RDH10: variants seen among roughly 807,000 people sequenced by gnomAD.
RDH10 encodes the protein retinol dehydrogenase 10, also known as retinol dehydrogenase 10 (all-trans).
RDH10 carries 12 observed loss-of-function variants against 30.2 expected under a neutral mutation model. The observed-to-expected ratio is 0.40, with a 90% CI of 0.25 to 0.64. RDH10 has a LOEUF of 0.64. RDH10 is among the 30% of genes least tolerant of loss of function. The pLI is 0.43. For missense variants in RDH10, 268 were observed against 445.2 expected (o/e 0.60, Z 3.58); for synonymous variants, 189 against 172.2 (o/e 1.10, Z -0.76).
At position 73,295,566 on chromosome 8, in the gene RDH10, G is replaced by A; in HGVS notation, c.277G>A (p.Ala93Thr). ...CCGCGACCTGGAGGCGGCCGACGCC[G>A]CTGCGCTGCAAGGTAACCTGGACCC... ...IYRDLEAADA[A>T]ALQAGNGEEE... Residue 93 changes from alanine to threonine, a missense_variant, in exon 1 of 6, where the codon GCT becomes ACT. By Grantham distance (58) the Ala-to-Thr change is moderately conservative. This residue lies in a region of RDH10 where 46 missense variants were observed against 36.7 expected (regional missense o/e 1.25). Transcript: ENST00000240285. The A allele has an allele frequency of 6.5e-7, 1 of 1,527,592 alleles. No individual in the cohort carries two copies. Among genetic ancestry groups the A allele is most frequent in the South Asian group, 1.2e-5 (1 of 81,170 alleles). 94.6% of individuals were successfully genotyped at this position (1,527,592 alleles called of 1,614,324 possible).
At position 73,295,049 on chromosome 8, in the gene RDH10, G is replaced by C; in HGVS notation, c.-241G>C. On this transcript the variant is annotated 5_prime_UTR_variant, in exon 1 of 6. Coordinates refer to ENST00000240285, the MANE Select transcript of RDH10 (RefSeq NM_172037.5). ...CTGCCGGCAGGAGGCGCCGAGCCGG[G>C]TGACTGCCGCGGCGGGCACAGTCCG... 2 of 338,356 alleles carry C rather than the reference G, an allele frequency of 5.9e-6. No homozygotes were observed. The highest frequency in any genetic ancestry group is 5.3e-6 in the Non-Finnish European group (1 of 188,432). The allele number at this position is 338,356 out of a possible 1,614,324, so 21.0% of individuals were successfully genotyped here.
intron 2 of RDH10, among the ~76,000 whole-genome samples, chr8:73,299,638 C>G (rs1484167100): frequency 6.6e-6 from 1 of 152,206 alleles, no homozygotes; most frequent in African/African-American, 2.4e-5. Flanking sequence ...TGCAAGACTA[C>G]ATAACTAAAC....
At chr8:73,303,769 C>CT (rs1814422211) in intron 2 of RDH10, among the ~76,000 whole-genome samples, 1 of 152,166 alleles carries the variant, frequency 6.6e-6, no homozygotes, top group Non-Finnish European at 1.5e-5. Flanking sequence ...GCTCATTGAA[C>CT]TTTGAGTTTC....
intron 3 of RDH10, among the ~76,000 whole-genome samples, chr8:73,320,445 TTTTTTGTTTTTGTTTTTG>T (rs1212769266): frequency 1.4e-4 from 21 of 146,448 alleles, no homozygotes; most frequent in Non-Finnish European, 2.7e-4. Flanking sequence ...TTTGTGTTTT[TTTTTTGTTTTTGTTTTTG>T]TTTTTGTTTT....
intron 2 of RDH10, among the ~76,000 whole-genome samples, chr8:73,308,159 G>A (rs1291054668): frequency 4.6e-5 from 7 of 152,168 alleles, no homozygotes; most frequent in African/African-American, 1.7e-4. Context: ...AGGACTGGCT[G>A]AACAAAGTTC....
chr8:73,302,915 A>G (rs1390393238), intron 2 of RDH10, among the ~76,000 whole-genome samples: 1 of 152,234 alleles, frequency 6.6e-6, no homozygotes, highest in Non-Finnish European at 1.5e-5. Flanking sequence ...TTGATCCCTG[A>G]TTAACCAAAA....
chr8:73,294,888 G>T lies in RDH10; in HGVS notation c.-402G>T. On this transcript the variant is annotated 5_prime_UTR_variant, in exon 1 of 6. Coordinates refer to ENST00000240285, the MANE Select transcript of RDH10 (RefSeq NM_172037.5). ...CGCACCCCTCCCCCGGGGTGAGAGG[G>T]AGCCGGCGCGCCGGTTCCGGGGACG... 2.5e-6 allele frequency: 1 copy of T among 394,240 alleles called. No homozygotes were observed. The allele number at this position is 394,240 out of a possible 1,614,324, so 24.4% of individuals were successfully genotyped here. A position where few individuals can be genotyped will look rare whatever the true frequency, so the allele number is the denominator to read the frequency against.
chr8:73,295,199 G>A lies in RDH10; in HGVS notation c.-91G>A. 4 of 1,293,406 alleles carry A rather than the reference G, an allele frequency of 3.1e-6. No homozygotes were observed. Among genetic ancestry groups the A allele is most frequent in the Non-Finnish European group, 4.1e-6 (4 of 980,132 alleles). 80.1% of individuals were successfully genotyped at this position (1,293,406 alleles called of 1,614,324 possible). A position where few individuals can be genotyped will look rare whatever the true frequency, so the allele number is the denominator to read the frequency against. On this transcript the variant is annotated 5_prime_UTR_variant, in exon 1 of 6. Transcript: ENST00000240285. The stretch of plus-strand genomic sequence containing the variant: ...GCAGCCTTCTCGTCCCGGCCTCTGT[G>A]ACAAGCGCCCCGGAGCCGGGAGCCC...
At chr8:73,302,001 A>C (rs1814387840) in intron 2 of RDH10, among the ~76,000 whole-genome samples, 1 of 152,192 alleles carries the variant, frequency 6.6e-6, no homozygotes, top group Non-Finnish European at 1.5e-5. Context: ...CTCACAATGA[A>C]TGTGTAACAG....
Position 73,294,670 on chromosome 8 carries a change from C to T in RDH10, c.-620C>T, listed in dbSNP as rs548946050. 4 of 358,538 alleles carry T rather than the reference C, an allele frequency of 1.1e-5. No individual in the cohort carries two copies. The East Asian group carries it at 1.2e-4, about 11-fold the overall frequency. 22.2% of individuals were successfully genotyped at this position (358,538 alleles called of 1,614,324 possible). On this transcript the variant is annotated 5_prime_UTR_variant, in exon 1 of 6. Transcript: ENST00000240285. ...CGGAGCCCAGTGCCCGAGTGACACC[C>T]GCGGAGAGTGCAGGGCCGGGGAACG... is the stretch of plus-strand genomic sequence containing the variant.
intron 3 of RDH10, among the ~76,000 whole-genome samples, chr8:73,319,550 G>T (rs116376685): frequency 3.9e-5 from 6 of 152,184 alleles, no homozygotes; most frequent in African/African-American, 1.2e-4. Context: ...AAAGGGAATG[G>T]ACTTCTGCCT....
At chr8:73,313,612 A>G (rs1360834239) in intron 2 of RDH10, among the ~76,000 whole-genome samples, 1 of 152,148 alleles carries the variant, frequency 6.6e-6, no homozygotes, top group East Asian at 1.9e-4. Flanking sequence ...TCTTTTGCAA[A>G]TAAGAAAATC....
chr8:73,295,554 G>T lies in RDH10; in HGVS notation c.265G>T (p.Ala89Ser), dbSNP rs1236379418. ...GCGCCACATCTACCGCGACCTGGAG[G>T]CGGCCGACGCCGCTGCGCTGCAAGG... ...MVRHIYRDLEAADAAALQAGN... is the reference protein window; with the variant it reads ...MVRHIYRDLESADAAALQAGN... The change falls in exon 1 of 6, where the codon GCG becomes TCG. Residue 89 changes from alanine (A) to serine (S), a missense_variant. Physicochemically the swap from Ala to Ser is moderately conservative, Grantham distance 99. Around this residue, in one of 4 missense-constraint regions of RDH10, gnomAD observed 46 missense variants for 36.7 expected, o/e 1.25. Coordinates refer to ENST00000240285, the MANE Select transcript of RDH10 (RefSeq NM_172037.5). 6.5e-7 allele frequency: 1 copy of T among 1,539,302 alleles called. No homozygotes were observed. Among genetic ancestry groups the T allele is most frequent in the African/African-American group, 1.4e-5 (1 of 72,018 alleles).
chr8:73,309,586 T>C (rs970385249), intron 2 of RDH10, among the ~76,000 whole-genome samples: 5 of 151,340 alleles, frequency 3.3e-5, no homozygotes, highest in African/African-American at 7.3e-5. Context: ...TGATGAAGTT[T>C]TGAGTCCATA....
chr8:73,314,944 TAC>T (rs1488263729), intron 2 of RDH10, among the ~76,000 whole-genome samples: 3 of 152,286 alleles, frequency 2.0e-5, no homozygotes, highest in African/African-American at 7.2e-5. Flanking sequence ...ACCTGTGCTT[TAC>T]AGAACAAAAC....
intron 2 of RDH10, chr8:73,297,971 C>T (rs1279793906): frequency 6.1e-6 from 1 of 164,416 alleles, no homozygotes; most frequent in African/African-American, 2.4e-5. Context: ...TCGGGTTAGA[C>T]AGTGCCTCGC....
In RDH10 at chr8:73,295,273, G is replaced by T; in HGVS notation, c.-17G>T. On this transcript the variant is annotated 5_prime_UTR_variant, in exon 1 of 6. Coordinates refer to ENST00000240285, the MANE Select transcript of RDH10 (RefSeq NM_172037.5). The stretch of plus-strand genomic sequence containing the variant: ...CGGACGCAGGCACTGGGCTCGTGCG[G>T]GGCCCCGGGCGTCGCGATGAACATC... 6.5e-7 allele frequency: 1 copy of T among 1,548,166 alleles called. No individual in the cohort carries two copies.
intron 2 of RDH10, among the ~76,000 whole-genome samples, chr8:73,318,760 C>G (rs746008631): frequency 7.9e-5 from 12 of 152,200 alleles, no homozygotes. Context: ...AAACAAATAC[C>G]TGGCTTGGGA....
chr8:73,299,657 A>G (rs563271681), intron 2 of RDH10, among the ~76,000 whole-genome samples: 3 of 152,326 alleles, frequency 2.0e-5, no homozygotes, highest in East Asian at 3.9e-4. Context: ...ACTTTTACCT[A>G]CACCAGGTAT....
Sources: allele counts gnomAD v4.1 joint callset (sites outside exome capture counted in the v4.1 genomes callset), GRCh38; gene constraint gnomAD v4.1.1; regional missense constraint gnomAD v4.1.1; transcripts MANE v1.5; gene names NCBI Gene and HGNC (gene_info 2026-07-23, HGNC 2026-07-21).